The following PLCE1 variants were observed in gnomAD, a reference collection of about 807,000 sequenced individuals.
The protein encoded by PLCE1 is 1-phosphatidylinositol 4,5-bisphosphate phosphodiesterase epsilon-1.
Under a neutral mutation model 242.8 loss-of-function variants are expected in PLCE1, and 119 were observed. The observed-to-expected ratio is 0.49, with a 90% CI of 0.42 to 0.57. PLCE1 has a LOEUF of 0.57. Among genes scored for constraint, PLCE1 ranks in the 20% least tolerant of loss-of-function variants. PLCE1 has a pLI of 0.00. For missense variants in PLCE1, 2,441 were observed against 2,788.8 expected (o/e 0.88, Z 2.81); for synonymous variants, 945 against 1,017.4 (o/e 0.93, Z 1.35).
intron 1 of PLCE1, among the ~76,000 whole-genome samples, chr10:94,015,187 G>A (rs1236637587): frequency 6.6e-6 from 1 of 152,186 alleles, no homozygotes; most frequent in African/African-American, 2.4e-5. Flanking sequence ...TGGAGTCAGA[G>A]GTCTTGATAT....
intron 26 of PLCE1, among the ~76,000 whole-genome samples, chr10:94,307,824 C>G (rs2053253293): frequency 6.6e-6 from 1 of 152,192 alleles, no homozygotes; most frequent in Admixed American, 6.5e-5. Context: ...GTTAGGACTT[C>G]TACACAAGAA....
intron 2 of PLCE1, among the ~76,000 whole-genome samples, chr10:94,070,539 C>G (rs1379768119): frequency 6.6e-6 from 1 of 152,052 alleles, no homozygotes; most frequent in Non-Finnish European, 1.5e-5. Context: ...CTCAGCTGGC[C>G]CCTTCTCTCT....
intron 1 of PLCE1, among the ~76,000 whole-genome samples, chr10:94,014,865 C>G (rs117522047): frequency 0.026 from 4,035 of 152,266 alleles, 63 homozygotes; most frequent in Non-Finnish European, 0.037. Context: ...TCCACCCTAG[C>G]AAGGATAGTT....
chr10:94,212,181 G>A (rs1405489665), intron 4 of PLCE1, among the ~76,000 whole-genome samples: 2 of 152,120 alleles, frequency 1.3e-5, no homozygotes, highest in African/African-American at 4.8e-5. Context: ...CTGCCTCCCA[G>A]GTTCAAACGA....
Position 94,306,756 on chromosome 10 carries a change from A to G in PLCE1, c.5884+68A>G, listed in dbSNP as rs1377376632. On this transcript the variant is annotated intron_variant, in intron 26 of 32. Coordinates refer to ENST00000371380, the MANE Select transcript of PLCE1 (RefSeq NM_016341.4). The surrounding 1 kb of genome is among the most constrained non-coding windows in gnomAD (Gnocchi z 5.7). ...GTGATGGATGCCAGAATTTCCTTAT[A>G]CTCTTCTCTCTTTTCTGTTTGACAT... 3 of 1,181,558 alleles carry G rather than the reference A, an allele frequency of 2.5e-6. No homozygotes were observed. Among genetic ancestry groups the G allele is most frequent in the South Asian group, 1.3e-5 (1 of 78,018 alleles). 73.2% of individuals were successfully genotyped at this position (1,181,558 alleles called of 1,614,324 possible).
chr10:94,042,548 G>C (rs2061789103), intron 2 of PLCE1, among the ~76,000 whole-genome samples: 1 of 152,100 alleles, frequency 6.6e-6, no homozygotes, highest in South Asian at 2.1e-4. Flanking sequence ...CAGAAATTCT[G>C]TTCTCTTATT....
rs189347087 is a variant in PLCE1 at position 94,304,758 on chromosome 10, C to A, written c.5622+113C>A. On this transcript the variant is annotated intron_variant, in intron 25 of 32. Transcript: ENST00000371380. Reference sequence around the variant, plus strand: ...CTGTCATGTCACAATTTGGGTCATACAGATTTAGTTCCCAGAATAATGTAT... The same window carrying A: ...CTGTCATGTCACAATTTGGGTCATAAAGATTTAGTTCCCAGAATAATGTAT... 5.8e-4 allele frequency: 557 copies of A among 967,610 alleles called. 1 individual carries two copies. In the African/African-American group the frequency reaches 7.9e-3, roughly 14 times the overall value. 59.9% of individuals were successfully genotyped at this position (967,610 alleles called of 1,614,324 possible). A position where few individuals can be genotyped will look rare whatever the true frequency, so the allele number is the denominator to read the frequency against.
At chr10:94,071,767 A>G (rs954289136) in intron 2 of PLCE1, among the ~76,000 whole-genome samples, 5 of 152,166 alleles carry the variant, frequency 3.3e-5, no homozygotes, top group Admixed American at 1.3e-4. Context: ...CAAAAGTGCT[A>G]GGAATACAGG....
chr10:94,234,450 C>T (rs976905629), intron 6 of PLCE1, 138 bp downstream of exon 6: 3 of 947,088 alleles, frequency 3.2e-6, no homozygotes, highest in Non-Finnish European at 4.9e-6. Context: ...CTGGGTAGCA[C>T]ATAGATCCTT....
At chr10:94,197,114 C>A (rs2048845550) in intron 4 of PLCE1, among the ~76,000 whole-genome samples, 1 of 152,124 alleles carries the variant, frequency 6.6e-6, no homozygotes, top group South Asian at 2.1e-4. Flanking sequence ...TGTCTGGCAT[C>A]TTTCACTTAA....
chr10:94,014,095 T>C (rs1372455153), intron 1 of PLCE1, among the ~76,000 whole-genome samples: 1 of 152,152 alleles, frequency 6.6e-6, no homozygotes, highest in Non-Finnish European at 1.5e-5. Flanking sequence ...AGCTCAAAAC[T>C]GAAGAGGGGC....
intron 2 of PLCE1, among the ~76,000 whole-genome samples, chr10:94,119,330 C>T (rs554743919): frequency 6.6e-6 from 1 of 152,174 alleles, no homozygotes; most frequent in South Asian, 2.1e-4. Context: ...CAATGGATGT[C>T]CTCAGGCATA....
chr10:94,284,412 G>C (rs373383413), intron 21 of PLCE1, among the ~76,000 whole-genome samples: 155 of 152,280 alleles, frequency 1.0e-3, no homozygotes, highest in African/African-American at 3.1e-3. Flanking sequence ...GCAGAGGAAT[G>C]ACACTGAGAA....
Position 94,091,334 on chromosome 10 carries a change from G to T in PLCE1, c.1207-40840G>T, listed in dbSNP as rs1246526889. 2.0e-5 allele frequency among the ~76,000 whole-genome samples: 3 copies of T among 152,130 alleles called. No homozygotes were observed. In the East Asian group the frequency reaches 5.8e-4, roughly 29 times the overall value. ...TAAACAATGAAAAGCCTCCTCCATG[G>T]CATCTTAACACTCAGTTCTTCCCTC... is the stretch of plus-strand genomic sequence containing the variant. On this transcript the variant is annotated intron_variant, in intron 2 of 32. Coordinates refer to ENST00000371380, the MANE Select transcript of PLCE1 (RefSeq NM_016341.4).
intron 2 of PLCE1, among the ~76,000 whole-genome samples, chr10:94,076,971 C>T (rs1156702860): frequency 6.6e-6 from 1 of 152,194 alleles, no homozygotes; most frequent in Non-Finnish European, 1.5e-5. Context: ...GGATAAAGTA[C>T]AAGAGGAAAG....
At chr10:94,217,499 G>A (rs2049569508) in intron 4 of PLCE1, among the ~76,000 whole-genome samples, 1 of 152,076 alleles carries the variant, frequency 6.6e-6, no homozygotes, top group Non-Finnish European at 1.5e-5. Flanking sequence ...TTACAAAAGG[G>A]GAGACTCTGC....
At chr10:94,196,571 C>A (rs140669530) in intron 4 of PLCE1, among the ~76,000 whole-genome samples, 81 of 152,212 alleles carry the variant, frequency 5.3e-4, no homozygotes, top group African/African-American at 1.7e-3. Context: ...GGATCACTTG[C>A]AGCCAGGAGT....
chr10:94,073,430 G>C (rs2044416993), intron 2 of PLCE1, among the ~76,000 whole-genome samples: 1 of 152,214 alleles, frequency 6.6e-6, no homozygotes, highest in Non-Finnish European at 1.5e-5. Context: ...AGTGGGGCTT[G>C]AGTTAGACCT....
At chr10:94,000,004 G>A (rs540107109) in intron 1 of PLCE1, among the ~76,000 whole-genome samples, 5 of 152,342 alleles carry the variant, frequency 3.3e-5, no homozygotes, top group Admixed American at 2.6e-4. Context: ...TATTGGTTGG[G>A]AACAGGGGTT....
Sources: gnomAD v4.1 joint callset for allele counts (sites outside exome capture counted in the v4.1 genomes callset) on GRCh38, gnomAD v4.1.1 for gene constraint, Gnocchi (gnomAD v3.1) non-coding constraint, MANE v1.5 for transcripts, NCBI Gene and HGNC (gene_info 2026-07-23, HGNC 2026-07-21) for gene names.